Variants in POTEJ observed in about 807,000 individuals in gnomAD.
The protein encoded by POTEJ is POTE ankyrin domain family, member J.
Under a neutral mutation model 69.0 loss-of-function variants are expected in POTEJ, and 11 were observed. The ratio of observed to expected loss-of-function variants is 0.16; its 90% confidence interval spans 0.10 to 0.26. The LOEUF (loss-of-function observed/expected upper bound fraction) is 0.26, where lower values mean the gene tolerates loss of function less well. Ranked by LOEUF, POTEJ falls within the 10% of genes least tolerant of loss-of-function variation. POTEJ has a pLI of 1.00. For missense variants in POTEJ, 327 were observed against 1,045.5 expected, an observed-to-expected ratio of 0.31 and a Z score of 9.48; for synonymous variants, 117 against 381.1, an observed-to-expected ratio of 0.31 and a Z score of 8.07.
upstream of POTEJ, among the ~76,000 whole-genome samples, chr2:130,611,303 G>C (rs529292876): frequency 1.3e-4 from 19 of 142,734 alleles, no homozygotes; most frequent in East Asian, 2.0e-3. Flanking sequence ...TTTTCTTGGG[G>C]GGGGGGGGGT....
chr2:130,642,852 G>A (rs548076516), intron 10 of POTEJ, among the ~76,000 whole-genome samples: 407 of 151,032 alleles, frequency 2.7e-3, no homozygotes, highest in Non-Finnish European at 3.9e-3. Context: ...GTGGCATGCC[G>A]TCACCCTTTC....
chr2:130,631,032 G>A (rs1182071407), intron 7 of POTEJ, among the ~76,000 whole-genome samples: 4 of 144,234 alleles, frequency 2.8e-5, no homozygotes, highest in African/African-American at 8.3e-5. Context: ...AGTGAGGAAG[G>A]TTTTGGAATA....
At chr2:130,642,802 CT>C (rs1389867509) in intron 10 of POTEJ, among the ~76,000 whole-genome samples, 1 of 152,174 alleles carries the variant, frequency 6.6e-6, no homozygotes, top group Non-Finnish European at 1.5e-5. Context: ...TAGGCAAATA[CT>C]TTCACTCTTT....
chr2:130,649,346 T>C (rs1304374225), intron 13 of POTEJ, among the ~76,000 whole-genome samples: 592 of 151,932 alleles, frequency 3.9e-3, no homozygotes, highest in Non-Finnish European at 4.8e-3. Flanking sequence ...AAAACCTCAG[T>C]GTCATTCTTG....
intron 3 of POTEJ, among the ~76,000 whole-genome samples, chr2:130,619,281 G>GA (rs1685470243): frequency 6.6e-6 from 1 of 150,456 alleles, no homozygotes; most frequent in Admixed American, 6.6e-5. Context: ...GTTAAGAGCA[G>GA]AGTTTTCTCA....
intron 10 of POTEJ, among the ~76,000 whole-genome samples, chr2:130,643,104 T>G (rs1686452291): frequency 6.8e-6 from 1 of 147,410 alleles, no homozygotes; most frequent in South Asian, 2.1e-4. Flanking sequence ...TGTGGAGGAA[T>G]AATGTACAGT....
intron 6 of POTEJ, among the ~76,000 whole-genome samples, chr2:130,625,145 T>A: frequency 6.6e-6 from 1 of 152,202 alleles, no homozygotes; most frequent in Non-Finnish European, 1.5e-5. Flanking sequence ...AAGTTAGGTT[T>A]TATAAGTTGC....
rs768341715 is a variant in POTEJ, at chr2:130,657,470, G to A, written c.2710G>A (p.Glu904Lys). The A allele has an allele frequency of 2.4e-5, 38 of 1,578,942 alleles. 7 individuals carry two copies. Among genetic ancestry groups the A allele is most frequent in the Middle Eastern group, 1.8e-4 (1 of 5,696 alleles). The change falls in exon 15 of 15, where the codon GAG becomes AAG. Residue 904 changes from glutamate to lysine, a missense_variant. Transcript: ENST00000409602. ...CAGCTCCTCCCTAGAGAAGAGCTACGAGCTGCCCGATGGCCAGGTCATCAC... is the reference window on the plus strand; with the variant it reads ...CAGCTCCTCCCTAGAGAAGAGCTACAAGCTGCCCGATGGCCAGGTCATCAC... ...ASSSSLEKSYELPDGQVITIS... is the reference protein window; with the variant it reads ...ASSSSLEKSYKLPDGQVITIS...
intron 9 of POTEJ, among the ~76,000 whole-genome samples, chr2:130,637,806 C>T (rs1323514286): frequency 1.6e-4 from 25 of 151,634 alleles, no homozygotes; most frequent in Middle Eastern, 3.4e-3. Flanking sequence ...AAAGCATCAT[C>T]GTAACAAACA....
rs758787857 is a variant in POTEJ at position 130,657,552 on chromosome 2, G to T, written c.2792G>T (p.Gly931Val). Residue 931 changes from glycine (G) to valine (V), a missense_variant, in exon 15 of 15, where the codon GGC (glycine) becomes GTC (valine). Transcript: ENST00000409602. ...PEALFQPCFL[G>V]MESCGIHETT... ...GCGCTCTTCCAGCCTTGCTTCCTGG[G>T]CATGGAATCCTGTGGCATCCATGAA... 6.4e-7 allele frequency: 1 copy of T among 1,562,148 alleles called. No homozygotes were observed. The highest frequency in any genetic ancestry group is 8.7e-7 in the Non-Finnish European group (1 of 1,146,934).
At position 130,623,788 on chromosome 2, in the gene POTEJ, C is replaced by T. The variant is rs1407812530; in HGVS notation, c.945-276C>T. On this transcript the variant is annotated intron_variant, in intron 5 of 14. Transcript: ENST00000409602. ...GTTCATTATGGAGCTAGGACTTATG[C>T]AGAGTTGGGACACTTTCTATTATGT... Among the ~76,000 whole-genome samples, 35 of 137,340 alleles carry T rather than the reference C, an allele frequency of 2.5e-4. 1 individual carries two copies. The highest frequency in any genetic ancestry group is 8.7e-4 in the South Asian group (4 of 4,582). The allele number at this position is 137,340 out of a possible 152,430, so 90.1% of individuals were successfully genotyped here.
chr2:130,641,723 A>C, intron 10 of POTEJ, among the ~76,000 whole-genome samples: 1 of 151,906 alleles, frequency 6.6e-6, no homozygotes, highest in East Asian at 1.9e-4. Context: ...TTTTCTATGC[A>C]TGTTTAATGG....
chr2:130,649,458 A>T (rs1350091788), intron 13 of POTEJ, among the ~76,000 whole-genome samples: 6 of 151,840 alleles, frequency 4.0e-5, no homozygotes, highest in Admixed American at 6.5e-5. Flanking sequence ...ATCTTGTACA[A>T]CTGAGCCACC....
At chr2:130,613,477 C>T (rs1171944988) in intron 1 of POTEJ, among the ~76,000 whole-genome samples, 1 of 140,316 alleles carries the variant, frequency 7.1e-6, no homozygotes, top group Admixed American at 7.1e-5. Flanking sequence ...TCTCGGCTCA[C>T]TGCAACCTCT....
intron 6 of POTEJ, among the ~76,000 whole-genome samples, chr2:130,629,266 G>GGGCTT (rs1558922514): frequency 6.7e-6 from 1 of 149,080 alleles, no homozygotes; most frequent in African/African-American, 2.5e-5. Flanking sequence ...AACAAAGACA[G>GGGCTT]GGCTTGGCTT....
chr2:130,629,100 A>G (rs1379505719), intron 6 of POTEJ, among the ~76,000 whole-genome samples: 2 of 152,100 alleles, frequency 1.3e-5, no homozygotes, highest in Non-Finnish European at 2.9e-5. Flanking sequence ...AAGACATTGT[A>G]CACTAATAAA....
chr2:130,624,763 A>G (rs1249366442), intron 6 of POTEJ, among the ~76,000 whole-genome samples: 1 of 152,050 alleles, frequency 6.6e-6, no homozygotes, highest in Non-Finnish European at 1.5e-5. Flanking sequence ...ACTGAAGCAC[A>G]AGTCATGTTA....
chr2:130,652,175 C>T lies in POTEJ; in HGVS notation c.1668-2746C>T, dbSNP rs1364173768. On this transcript the variant is annotated intron_variant, in intron 13 of 14. Coordinates refer to ENST00000409602, the MANE Select transcript of POTEJ (RefSeq NM_001277083.2). ...TCTTTGCGCTTCACTTCTCTCTTCTCTCTCTCCCGCCGCCTTATGAAGAAG... is the reference window on the plus strand; with the variant it reads ...TCTTTGCGCTTCACTTCTCTCTTCTTTCTCTCCCGCCGCCTTATGAAGAAG... Among the ~76,000 whole-genome samples, 5 of 133,956 alleles carry T rather than the reference C, an allele frequency of 3.7e-5. 1 individual carries two copies. Among genetic ancestry groups the T allele is most frequent in the Non-Finnish European group, 8.1e-5 (5 of 61,906 alleles). The allele number at this position is 133,956 out of a possible 152,430, so 87.9% of individuals were successfully genotyped here.
At chr2:130,638,437 T>G (rs1435985321) in intron 9 of POTEJ, among the ~76,000 whole-genome samples, 182 bp from the exon 10 acceptor site, 1 of 150,892 alleles carries the variant, frequency 6.6e-6, no homozygotes, top group Non-Finnish European at 1.5e-5. Context: ...CTTACTTTTT[T>G]TTCTTCTTTA....
Sources: allele counts gnomAD v4.1 joint callset (sites outside exome capture counted in the v4.1 genomes callset), GRCh38; gene constraint gnomAD v4.1.1; transcripts MANE v1.5; gene names NCBI Gene and HGNC (gene_info 2026-07-23, HGNC 2026-07-21).